Variants in TBX19 observed in about 807,000 individuals in gnomAD.
TBX19 encodes T-box transcription factor TBX19.
In TBX19, 33 loss-of-function variants were observed where a neutral mutation model predicts 40.9. The observed-to-expected ratio is 0.81, with a 90% confidence interval of 0.61 to 1.08. The LOEUF (loss-of-function observed/expected upper bound fraction) is 1.08, where lower values mean the gene tolerates loss of function less well. Ranked by LOEUF, TBX19 falls within the 50% of genes least tolerant of loss-of-function variation. TBX19 has a pLI of 0.00. For missense variants in TBX19, 494 were observed against 574.0 expected (o/e 0.86, Z 1.42); for synonymous variants, 220 against 225.0 (o/e 0.98, Z 0.20).
intron 1 of TBX19, among the ~76,000 whole-genome samples, chr1:168,289,358 T>G (rs1648883147): frequency 6.6e-6 from 1 of 152,212 alleles, no homozygotes. Context: ...ACAATAATCC[T>G]TCTATTGAAG....
At chr1:168,306,190 A>AT (rs1649399404) in intron 6 of TBX19, among the ~76,000 whole-genome samples, 1 of 152,062 alleles carries the variant, frequency 6.6e-6, no homozygotes, top group African/African-American at 2.4e-5. Flanking sequence ...AGGTGGGGAG[A>AT]TTATGTAGCT....
intron 7 of TBX19, among the ~76,000 whole-genome samples, chr1:168,311,872 C>T (rs1437121950): frequency 1.3e-5 from 2 of 152,254 alleles, no homozygotes; most frequent in East Asian, 3.9e-4. Context: ...AGGCTGCATG[C>T]CAGATCAGTT....
intron 6 of TBX19, among the ~76,000 whole-genome samples, chr1:168,305,537 A>G (rs1289852936): frequency 6.6e-6 from 1 of 152,182 alleles, no homozygotes; most frequent in Non-Finnish European, 1.5e-5. Context: ...TGAAACACTC[A>G]GCTCATCACC....
chr1:168,284,594 G>A (rs12091842), intron 1 of TBX19, among the ~76,000 whole-genome samples: 17,179 of 151,592 alleles, frequency 0.11, 1,788 homozygotes, highest in African/African-American at 0.27. Flanking sequence ...GGGCAACATG[G>A]AGAAACCCTG....
In TBX19 at chr1:168,314,421, A is replaced by G. The variant is rs1222900611; in HGVS notation, c.*1419A>G. ...TAGGTGCCCAATAAACATTTGCTGA[A>G]CTGAATTGGTGTAATGTGCATGTGT... On this transcript the variant is annotated 3_prime_UTR_variant, in exon 8 of 8. Transcript: ENST00000367821. 6.5e-6 allele frequency: 1 copy of G among 152,732 alleles called. No homozygotes were observed. The highest frequency in any genetic ancestry group is 1.9e-4 in the East Asian group (1 of 5,198). 9.5% of individuals were successfully genotyped at this position (152,732 alleles called of 1,614,324 possible). A position where few individuals can be genotyped will look rare whatever the true frequency, so the allele number is the denominator to read the frequency against.
At chr1:168,290,769 A>G (rs1648915438) in intron 1 of TBX19, among the ~76,000 whole-genome samples, 1 of 152,090 alleles carries the variant, frequency 6.6e-6, no homozygotes, top group African/African-American at 2.4e-5. Flanking sequence ...TTTGCTATAA[A>G]TGCTATTACT....
chr1:168,284,298 A>G (rs1648750383), intron 1 of TBX19, among the ~76,000 whole-genome samples: 1 of 152,208 alleles, frequency 6.6e-6, no homozygotes, highest in Non-Finnish European at 1.5e-5. Context: ...TCCAGCCAGT[A>G]TTCCCTTTCA....
intron 3 of TBX19, among the ~76,000 whole-genome samples, chr1:168,295,291 A>G (rs1484835705): frequency 6.6e-6 from 1 of 150,504 alleles, no homozygotes; most frequent in African/African-American, 2.5e-5. Context: ...ACTTGGTCTC[A>G]GGAAAAAAAA....
chr1:168,299,597 T>TC (rs144196085), intron 4 of TBX19, among the ~76,000 whole-genome samples: 4,029 of 152,162 alleles, frequency 0.026, 176 homozygotes, highest in African/African-American at 0.089. Flanking sequence ...TGCTTCAGCC[T>TC]CCCAAGTAGT....
intron 4 of TBX19, among the ~76,000 whole-genome samples, chr1:168,298,835 CTTTCTTTCTTT>C (rs1649191728): frequency 3.3e-5 from 2 of 59,922 alleles, no homozygotes; most frequent in African/African-American, 2.1e-4. Context: ...TTCTTTCTTT[CTTTCTTTCTTT>C]CTTTCTTTCT....
At chr1:168,297,168 A>G (rs930021993) in intron 3 of TBX19, among the ~76,000 whole-genome samples, 5 of 152,230 alleles carry the variant, frequency 3.3e-5, no homozygotes, top group African/African-American at 1.2e-4. Flanking sequence ...GCAGATACAG[A>G]GAGTGACAGT....
At chr1:168,285,281 ACACAC>A (rs751793709) in intron 1 of TBX19, among the ~76,000 whole-genome samples, 57 of 151,738 alleles carry the variant, frequency 3.8e-4, no homozygotes, top group Non-Finnish European at 6.3e-4. Context: ...ACACACACAC[ACACAC>A]ACACACACAC....
At chr1:168,295,885 G>A (rs1261676434) in intron 3 of TBX19, among the ~76,000 whole-genome samples, 1 of 152,200 alleles carries the variant, frequency 6.6e-6, no homozygotes, top group East Asian at 1.9e-4. Flanking sequence ...TTTGGCTGCT[G>A]ACTTGGTAAA....
chr1:168,305,474 T>C (rs1649384251), intron 6 of TBX19, among the ~76,000 whole-genome samples: 1 of 152,230 alleles, frequency 6.6e-6, no homozygotes, highest in Non-Finnish European at 1.5e-5. Context: ...AGGACACTGA[T>C]ATTCTGAGCA....
chr1:168,294,229 G>C lies in TBX19; in HGVS notation c.603+951G>C, dbSNP rs896513711. ...TTACCTTTCTATGTAATTATACCTA[G>C]GTATATCTCCTTTTCTGTAGTGCCT... On this transcript the variant is annotated intron_variant, in intron 3 of 7. Transcript: ENST00000367821. Among the ~76,000 whole-genome samples, 7 of 152,022 alleles carry C rather than the reference G, an allele frequency of 4.6e-5. 1 individual carries two copies. The highest frequency in any genetic ancestry group is 8.8e-5 in the Non-Finnish European group (6 of 68,018).
intron 5 of TBX19, among the ~76,000 whole-genome samples, chr1:168,304,511 C>T (rs902217653): frequency 2.0e-5 from 3 of 152,120 alleles, no homozygotes; most frequent in African/African-American, 7.2e-5. Flanking sequence ...GGGAAAGTTG[C>T]GTATATTGTA....
intron 1 of TBX19, among the ~76,000 whole-genome samples, chr1:168,284,032 C>T (rs1237154018): frequency 6.6e-6 from 1 of 152,166 alleles, no homozygotes; most frequent in Non-Finnish European, 1.5e-5. Flanking sequence ...CTGAAAAACA[C>T]GGAATTATCT....
rs1253987756 is a variant in TBX19, at chr1:168,308,774, C to A, written c.949C>A (p.Gln317Lys). The change falls in exon 7 of 8, where the codon CAA becomes AAA. Residue 317 changes from glutamine (Q) to lysine (K), a missense_variant. Coordinates refer to ENST00000367821, the MANE Select transcript of TBX19 (RefSeq NM_005149.3). Reference sequence around the variant, plus strand: ...GATAGAAAGCTCAAGCAATAATCTGCAAGTTTTCTCGGGACCTGACAGCTG... The same window carrying A: ...GATAGAAAGCTCAAGCAATAATCTGAAAGTTTTCTCGGGACCTGACAGCTG... ...NLIESSSNNL[Q>K]VFSGPDSWTS... 22 of 1,614,106 alleles carry A rather than the reference C, an allele frequency of 1.4e-5. No homozygotes were observed. The highest frequency in any genetic ancestry group is 1.9e-5 in the Non-Finnish European group (22 of 1,180,028).
intron 3 of TBX19, among the ~76,000 whole-genome samples, chr1:168,295,762 G>A (rs2102356198): frequency 6.6e-6 from 1 of 152,292 alleles, no homozygotes; most frequent in Non-Finnish European, 1.5e-5. Flanking sequence ...AAACGGGGTG[G>A]TGGGGGGTGC....
Sources: allele counts gnomAD v4.1 joint callset (sites outside exome capture counted in the v4.1 genomes callset), GRCh38; gene constraint gnomAD v4.1.1; transcripts MANE v1.5; gene names NCBI Gene and HGNC (gene_info 2026-07-23, HGNC 2026-07-21).